The following CSRNP3 variants were observed in gnomAD, a reference collection of about 807,000 sequenced individuals.
CSRNP3 encodes cysteine and serine rich nuclear protein 3.
A neutral mutation model predicts 48.0 loss-of-function variants in CSRNP3; 12 were observed. That is an observed-to-expected ratio of 0.25 (90% CI 0.16 to 0.41). CSRNP3 has a LOEUF of 0.41. Among genes scored for constraint, CSRNP3 ranks in the 10% least tolerant of loss-of-function variants. CSRNP3 has a pLI of 1.00. For synonymous variants in CSRNP3, 263 were observed against 269.7 expected (o/e 0.98, Z 0.24); for missense variants, 580 against 724.4 (o/e 0.80, Z 2.29).
chr2:165,477,497 TAATACAA>T (rs1391234601), intron 1 of CSRNP3, among the ~76,000 whole-genome samples: 14 of 119,646 alleles, frequency 1.2e-4, no homozygotes, highest in South Asian at 5.0e-4. Context: ...TATATATATA[TAATACAA>T]ATATATATAT....
At chr2:165,490,844 C>A (rs1281132937) in intron 1 of CSRNP3, among the ~76,000 whole-genome samples, 7 of 132,464 alleles carry the variant, frequency 5.3e-5, no homozygotes, top group African/African-American at 8.5e-5. Flanking sequence ...AGCATAAAAA[C>A]CCTAGAAGAA....
chr2:165,646,866 G>T (rs1309120587), intron 4 of CSRNP3, among the ~76,000 whole-genome samples: 1 of 151,834 alleles, frequency 6.6e-6, no homozygotes, highest in Admixed American at 6.6e-5. Context: ...ATAATATGAA[G>T]ATGTTATTCA....
rs1336787549 is a variant in CSRNP3 at position 165,666,791 on chromosome 2, GGAAA to G, written c.408+8774_408+8777del. 5.1e-5 allele frequency among the ~76,000 whole-genome samples: 7 copies of G among 137,466 alleles called. No homozygotes were observed. The East Asian group carries it at 1.6e-3, about 32-fold the overall frequency. 90.2% of individuals were successfully genotyped at this position (137,466 alleles called of 152,430 possible). On this transcript the variant is annotated intron_variant, in intron 5 of 6. Transcript: ENST00000651982. ...AAAGAAAGAGAAAGGAAGGCAGGAA[GGAAA>G]GAGAGAGAGGAAGAAAGAAAGAGAG...
chr2:165,539,612 A>C (rs1375065534), intron 3 of CSRNP3, among the ~76,000 whole-genome samples: 2 of 152,022 alleles, frequency 1.3e-5, no homozygotes, highest in East Asian at 1.9e-4. Context: ...ATGCTTAATA[A>C]ATGCATTTTG....
chr2:165,666,015 AAGAAAGAGAGAG>A (rs1253718078), intron 5 of CSRNP3, among the ~76,000 whole-genome samples: 1 of 127,610 alleles, frequency 7.8e-6, no homozygotes, highest in African/African-American at 3.1e-5. Flanking sequence ...GAGAGGAAGA[AAGAAAGAGAGAG>A]AGAGGAAGGG....
intron 4 of CSRNP3, among the ~76,000 whole-genome samples, chr2:165,621,291 CT>C (rs60553994): frequency 0.8 from 107,158 of 134,450 alleles, 42,291 homozygotes; most frequent in Non-Finnish European, 0.81. Context: ...TCCTTCAGTC[CT>C]TTTTTTTTTT....
At chr2:165,583,031 T>C (rs775126810) in intron 3 of CSRNP3, among the ~76,000 whole-genome samples, 19 of 152,204 alleles carry the variant, frequency 1.2e-4, no homozygotes, top group Non-Finnish European at 2.1e-4. Flanking sequence ...TGAAGTACAT[T>C]TGGCCAACTT....
chr2:165,545,265 A>G (rs1436939774), intron 3 of CSRNP3, among the ~76,000 whole-genome samples: 1 of 152,184 alleles, frequency 6.6e-6, no homozygotes, highest in Non-Finnish European at 1.5e-5. Context: ...TTTGCTGCAA[A>G]GGAGAGCAAA....
At chr2:165,577,638 A>G (rs1049509897) in intron 3 of CSRNP3, among the ~76,000 whole-genome samples, 1 of 151,730 alleles carries the variant, frequency 6.6e-6, no homozygotes, top group African/African-American at 2.4e-5. Context: ...ACTATTCCCA[A>G]CTGTTCTCCA....
intron 4 of CSRNP3, among the ~76,000 whole-genome samples, chr2:165,637,344 C>T (rs989637727): frequency 6.6e-6 from 1 of 152,232 alleles, no homozygotes; most frequent in African/African-American, 2.4e-5. Flanking sequence ...TTGGTGGAAA[C>T]ACTACTACCC....
intron 4 of CSRNP3, among the ~76,000 whole-genome samples, chr2:165,645,881 T>C (rs986716772): frequency 2.0e-5 from 3 of 151,828 alleles, no homozygotes; most frequent in Admixed American, 2.0e-4. Context: ...AGGTTTTTTT[T>C]GTTTTGTTTT....
chr2:165,476,273 G>A (rs1449357791), intron 1 of CSRNP3, among the ~76,000 whole-genome samples: 1 of 152,164 alleles, frequency 6.6e-6, no homozygotes, highest in Non-Finnish European at 1.5e-5. Context: ...TGACAATGCT[G>A]CATAAGCTAC....
intron 6 of CSRNP3, among the ~76,000 whole-genome samples, chr2:165,678,081 C>T (rs1687458398): frequency 6.6e-6 from 1 of 152,018 alleles, no homozygotes; most frequent in South Asian, 2.1e-4. Context: ...CACACATGCA[C>T]CCATGTACCA....
chr2:165,470,538 T>C (rs914776905), intron 1 of CSRNP3, among the ~76,000 whole-genome samples: 10 of 152,196 alleles, frequency 6.6e-5, no homozygotes, highest in African/African-American at 2.2e-4. Flanking sequence ...AAGAATTCCA[T>C]CAGAGCATTT....
At chr2:165,613,120 G>A (rs1191408176) in intron 4 of CSRNP3, among the ~76,000 whole-genome samples, 1 of 152,026 alleles carries the variant, frequency 6.6e-6, no homozygotes, top group Non-Finnish European at 1.5e-5. Context: ...CATTCTAGTT[G>A]GAGTGACATG....
At chr2:165,471,820 T>TAG (rs969003357) in intron 1 of CSRNP3, among the ~76,000 whole-genome samples, 8 of 148,240 alleles carry the variant, frequency 5.4e-5, no homozygotes, top group East Asian at 2.0e-4. Context: ...CAGGAAGAGA[T>TAG]AGAGAGAGAG....
chr2:165,663,362 A>AAT (rs1573953495), intron 5 of CSRNP3, among the ~76,000 whole-genome samples: 1 of 152,194 alleles, frequency 6.6e-6, no homozygotes, highest in East Asian at 1.9e-4. Flanking sequence ...GCCACAGCAT[A>AAT]CTTAGTGTCA....
chr2:165,609,723 A>G (rs1686104088), intron 4 of CSRNP3, among the ~76,000 whole-genome samples: 1 of 152,214 alleles, frequency 6.6e-6, no homozygotes, highest in Non-Finnish European at 1.5e-5. Flanking sequence ...ATAGTTATTC[A>G]GAAATTCTAA....
chr2:165,575,416 T>G (rs555433287), intron 3 of CSRNP3, among the ~76,000 whole-genome samples: 1 of 55,032 alleles, frequency 1.8e-5, no homozygotes, highest in East Asian at 4.0e-4. Flanking sequence ...ACTGTGCATC[T>G]GTCTATTACA....
Sources: gnomAD v4.1 joint callset for allele counts (sites outside exome capture counted in the v4.1 genomes callset) on GRCh38, gnomAD v4.1.1 for gene constraint, MANE v1.5 for transcripts, NCBI Gene and HGNC (gene_info 2026-07-23, HGNC 2026-07-21) for gene names.